CAPN1: variants seen among roughly 807,000 people sequenced by gnomAD.
The protein encoded by CAPN1 is calpain 1, also known as calpain-1 catalytic subunit.
CAPN1 carries 77 observed loss-of-function variants against 105.2 expected under a neutral mutation model. That is an observed-to-expected ratio of 0.73 (90% CI 0.61 to 0.88). CAPN1 has a LOEUF of 0.88. Ranked by LOEUF, CAPN1 falls within the 40% of genes least tolerant of loss-of-function variation. The probability of loss-of-function intolerance (pLI) is 0.00; values close to 1 mark genes in which losing one functional copy is unlikely to be tolerated. For missense variants in CAPN1, 833 were observed against 976.6 expected, an observed-to-expected ratio of 0.85 and a Z score of 1.96; for synonymous variants, 355 against 388.8, an observed-to-expected ratio of 0.91 and a Z score of 1.02.
Position 65,209,211 on chromosome 11 carries a change from A to G in CAPN1, c.1730-112A>G. ...GCCCACTTCCTCTGCCAGATATTGC[A>G]CCCACTCGTCAGGATTTGTGCGTCC... On this transcript the variant is annotated intron_variant, in intron 16 of 21. Transcript: ENST00000279247. The surrounding 1 kb of genome is among the most constrained non-coding windows in gnomAD (Gnocchi z 4.1). 1.3e-6 allele frequency: 1 copy of G among 754,546 alleles called. No individual in the cohort carries two copies. The highest frequency in any genetic ancestry group is 1.7e-5 in the African/African-American group (1 of 58,126). The allele number at this position is 754,546 out of a possible 1,614,324, so 46.7% of individuals were successfully genotyped here.
intron 10 of CAPN1, among the ~76,000 whole-genome samples, chr11:65,195,496 T>C (rs890895005): frequency 1.3e-5 from 2 of 152,176 alleles, no homozygotes; most frequent in African/African-American, 4.8e-5. Flanking sequence ...CATTTTGAGG[T>C]TTTTTTCCCC....
In CAPN1 at chr11:65,210,534, GA is replaced by G; in HGVS notation, c.2059+84del. 1.2e-6 allele frequency: 1 copy of G among 867,636 alleles called. No homozygotes were observed. The highest frequency in any genetic ancestry group is 1.4e-5 in the South Asian group (1 of 70,586). The allele number at this position is 867,636 out of a possible 1,614,324, so 53.7% of individuals were successfully genotyped here. Reference sequence around the variant, plus strand: ...GAGCTGGGGGGAATGACAGATGGGTGAATTAGCAGATACAGGCCAGTGCTGT... The same window carrying G: ...GAGCTGGGGGGAATGACAGATGGGTGATTAGCAGATACAGGCCAGTGCTGT... On this transcript the variant is annotated intron_variant, in intron 20 of 21. Coordinates refer to ENST00000279247, the MANE Select transcript of CAPN1 (RefSeq NM_005186.4). The surrounding 1 kb of genome is among the most constrained non-coding windows in gnomAD (Gnocchi z 4.3).
intron 10 of CAPN1, among the ~76,000 whole-genome samples, chr11:65,202,974 G>A (rs1433776998): frequency 6.6e-6 from 1 of 152,074 alleles, no homozygotes. Flanking sequence ...ATGTGAACAG[G>A]ATCATATAAT....
Position 65,208,381 on chromosome 11 carries a change from C to T in CAPN1, c.1729+119C>T. On this transcript the variant is annotated intron_variant, in intron 16 of 21. Coordinates refer to ENST00000279247, the MANE Select transcript of CAPN1 (RefSeq NM_005186.4). The surrounding 1 kb of genome is among the most constrained non-coding windows in gnomAD (Gnocchi z 4.1). ...GGTCTGCATGAGTCGGGGAATCCTC[C>T]AGTTTTTCTGAGCCCAGTTCCCTGC... The T allele has an allele frequency of 1.0e-6, 1 of 996,222 alleles. No individual in the cohort carries two copies. The allele number at this position is 996,222 out of a possible 1,614,324, so 61.7% of individuals were successfully genotyped here. A position where few individuals can be genotyped will look rare whatever the true frequency, so the allele number is the denominator to read the frequency against.
upstream of CAPN1, chr11:65,181,800 A>G (rs1160691521): frequency 9.1e-6 from 2 of 219,536 alleles, no homozygotes; most frequent in Non-Finnish European, 1.9e-5. This position sits in a 1 kb window ranked among gnomAD's most constrained non-coding sequence, Gnocchi z 4.6. Flanking sequence ...AGAGATAGTC[A>G]GAGACCGTGC....
Position 65,208,040 on chromosome 11 carries a change from C to A in CAPN1, c.1606-15C>A. 2.5e-6 allele frequency: 4 copies of A among 1,576,900 alleles called. No individual in the cohort carries two copies. Among genetic ancestry groups the A allele is most frequent in the Admixed American group, 1.8e-5 (1 of 54,574 alleles). On this transcript the variant is annotated splice_polypyrimidine_tract_variant and intron_variant, in intron 14 of 21. Coordinates refer to ENST00000279247, the MANE Select transcript of CAPN1 (RefSeq NM_005186.4). The surrounding 1 kb of genome is among the most constrained non-coding windows in gnomAD (Gnocchi z 4.1). Reference sequence around the variant, plus strand: ...CGGGGCCTCTCTTACCTGCTTTCTCCCCTTCTCGGTCCAGCAAGTGCTCTC... The same window carrying A: ...CGGGGCCTCTCTTACCTGCTTTCTCACCTTCTCGGTCCAGCAAGTGCTCTC...
At position 65,209,183 on chromosome 11, in the gene CAPN1, C is replaced by A; in HGVS notation, c.1730-140C>A. The A allele has an allele frequency of 1.5e-6, 1 of 673,290 alleles. No individual in the cohort carries two copies. Among genetic ancestry groups the A allele is most frequent in the Non-Finnish European group, 2.7e-6 (1 of 366,580 alleles). 41.7% of individuals were successfully genotyped at this position (673,290 alleles called of 1,614,324 possible). Reference sequence around the variant, plus strand: ...TGTACTTCCTGATGATACAAACAATCCTGCCCACTTCCTCTGCCAGATATT... The same window carrying A: ...TGTACTTCCTGATGATACAAACAATACTGCCCACTTCCTCTGCCAGATATT... On this transcript the variant is annotated intron_variant, in intron 16 of 21. Coordinates refer to ENST00000279247, the MANE Select transcript of CAPN1 (RefSeq NM_005186.4). This position sits in a 1 kb window ranked among gnomAD's most constrained non-coding sequence, Gnocchi z 4.1.
At position 65,209,751 on chromosome 11, in the gene CAPN1, C is replaced by T. The variant is rs1482928543; in HGVS notation, c.1795-98C>T. The T allele has an allele frequency of 1.2e-5, 14 of 1,214,064 alleles. No individual in the cohort carries two copies. Among genetic ancestry groups the T allele is most frequent in the African/African-American group, 3.0e-5 (2 of 66,660 alleles). 75.2% of individuals were successfully genotyped at this position (1,214,064 alleles called of 1,614,324 possible). ...TGCTTCTCCTCACCCAGCCCCAAGT[C>T]GACTTGCCGGCTCGGCGGCCATCTC... On this transcript the variant is annotated intron_variant, in intron 17 of 21. Coordinates refer to ENST00000279247, the MANE Select transcript of CAPN1 (RefSeq NM_005186.4). The surrounding 1 kb of genome is among the most constrained non-coding windows in gnomAD (Gnocchi z 4.1).
intron 10 of CAPN1, among the ~76,000 whole-genome samples, chr11:65,194,322 G>A (rs1024638691): frequency 3.9e-5 from 6 of 152,044 alleles, no homozygotes; most frequent in African/African-American, 1.2e-4. Context: ...TGCTTATTTC[G>A]TTAATTTAGA....
Position 65,210,485 on chromosome 11 carries a change from C to A in CAPN1, c.2059+33C>A. The A allele has an allele frequency of 1.5e-6, 2 of 1,335,390 alleles. No individual in the cohort carries two copies. The highest frequency in any genetic ancestry group is 2.1e-6 in the Non-Finnish European group (2 of 934,032). The allele number at this position is 1,335,390 out of a possible 1,614,324, so 82.7% of individuals were successfully genotyped here. A position where few individuals can be genotyped will look rare whatever the true frequency, so the allele number is the denominator to read the frequency against. On this transcript the variant is annotated intron_variant, in intron 20 of 21. Coordinates refer to ENST00000279247, the MANE Select transcript of CAPN1 (RefSeq NM_005186.4). The surrounding 1 kb of genome is among the most constrained non-coding windows in gnomAD (Gnocchi z 4.3). ...TCCCCAACTGCCTCCCACCCTCCAG[C>A]TCCGTCCCAAACGCGTCCCCCAGGA...
intron 10 of CAPN1, among the ~76,000 whole-genome samples, chr11:65,195,100 G>GGTTTTTTTTTTTTTTTTTTTTTTTTTT (rs1565403828): frequency 1.1e-5 from 1 of 90,906 alleles, no homozygotes; most frequent in Non-Finnish European, 2.5e-5. Flanking sequence ...GTTTTTTGGG[G>GGTTTTTTTTTTTTTTTTTTTTTTTTTT]TTTTTTTTTT....
chr11:65,182,277 C>G (rs1260095176), intron 1 of CAPN1: 2 of 87,730 alleles, frequency 2.3e-5, no homozygotes, highest in South Asian at 3.2e-4. Context: ...GGTTTTCAGC[C>G]CACGGCAAGG....
chr11:65,187,855 G>A, intron 7 of CAPN1, 100 bp from the exon 8 acceptor site: 2 of 790,470 alleles, frequency 2.5e-6, no homozygotes, highest in Non-Finnish European at 4.3e-6. Flanking sequence ...TCGCACCACT[G>A]CACTCCAGCC....
In CAPN1 at chr11:65,210,857, C is replaced by T; in HGVS notation, c.2103C>T (p.Thr701=). The part of the protein sequence containing the change: ...TLDTDLDGVV[T]FDLFKWLQLT... ...ACACAGATCTGGATGGAGTTGTGAC[C>T]TTTGACTTGTTTAAGGTGGGAACCT... Residue 701 remains threonine (T), a synonymous_variant, in exon 21 of 22, where the codon ACC becomes ACT. Coordinates refer to ENST00000279247, the MANE Select transcript of CAPN1 (RefSeq NM_005186.4). This position sits in a 1 kb window ranked among gnomAD's most constrained non-coding sequence, Gnocchi z 4.3. 1 of 1,613,570 alleles carries T rather than the reference C, an allele frequency of 6.2e-7. No homozygotes were observed. Among genetic ancestry groups the T allele is most frequent in the South Asian group, 1.1e-5 (1 of 91,080 alleles).
At position 65,210,279 on chromosome 11, in the gene CAPN1, C is replaced by T. The variant is rs1949025889; in HGVS notation, c.1943-57C>T. The T allele has an allele frequency of 1.5e-6, 2 of 1,341,184 alleles. No homozygotes were observed. The highest frequency in any genetic ancestry group is 2.1e-6 in the Non-Finnish European group (2 of 944,388). The allele number at this position is 1,341,184 out of a possible 1,614,324, so 83.1% of individuals were successfully genotyped here. On this transcript the variant is annotated intron_variant, in intron 19 of 21. Transcript: ENST00000279247. This position sits in a 1 kb window ranked among gnomAD's most constrained non-coding sequence, Gnocchi z 4.3. The stretch of plus-strand genomic sequence containing the variant: ...CCCTCCTGGGGACCCAACCCCTCCC[C>T]CATCCTGTTGGGCAGGGGCTGCGCC...
In CAPN1 at chr11:65,209,491, C is replaced by T. The variant is rs1007260882; in HGVS notation, c.1794+104C>T. On this transcript the variant is annotated intron_variant, in intron 17 of 21. Coordinates refer to ENST00000279247, the MANE Select transcript of CAPN1 (RefSeq NM_005186.4). The surrounding 1 kb of genome is among the most constrained non-coding windows in gnomAD (Gnocchi z 4.1). ...GCACAGAGAACAGGACAGAGCCATG[C>T]GGAGTGTGGACACACAGTGCCCCAT... is the stretch of plus-strand genomic sequence containing the variant. 54 of 989,806 alleles carry T rather than the reference C, an allele frequency of 5.5e-5. No individual in the cohort carries two copies. Among genetic ancestry groups the T allele is most frequent in the Non-Finnish European group, 7.1e-5 (45 of 634,840 alleles). The allele number at this position is 989,806 out of a possible 1,614,324, so 61.3% of individuals were successfully genotyped here.
Position 65,211,620 on chromosome 11 carries a change from G to C in CAPN1, c.*334G>C. 1 of 461,544 alleles carries C rather than the reference G, an allele frequency of 2.2e-6. No individual in the cohort carries two copies. Among genetic ancestry groups the C allele is most frequent in the Non-Finnish European group, 4.0e-6 (1 of 250,620 alleles). 28.6% of individuals were successfully genotyped at this position (461,544 alleles called of 1,614,324 possible). A position where few individuals can be genotyped will look rare whatever the true frequency, so the allele number is the denominator to read the frequency against. ...ATGTGTCCCCTCTCCCCACTTCAGAGGCCACCCACTCAGCACCACCGGCCT... is the reference window on the plus strand; with the variant it reads ...ATGTGTCCCCTCTCCCCACTTCAGACGCCACCCACTCAGCACCACCGGCCT... On this transcript the variant is annotated 3_prime_UTR_variant, in exon 22 of 22. Transcript: ENST00000279247.
chr11:65,182,725 G>C lies in CAPN1; in HGVS notation c.24G>C (p.Pro8=), dbSNP rs763840544. ...GGATGTCGGAGGAGATCATCACGCCGGTGTACTGCACTGGGGTGTCAGCCC... is the reference window on the plus strand; with the variant it reads ...GGATGTCGGAGGAGATCATCACGCCCGTGTACTGCACTGGGGTGTCAGCCC... MSEEIIT[P]VYCTGVSAQV... is the part of the protein sequence containing the mutation. The change falls in exon 2 of 22, where the codon CCG becomes CCC. Residue 8 remains proline, a synonymous_variant. Transcript: ENST00000279247. 3 of 1,579,000 alleles carry C rather than the reference G, an allele frequency of 1.9e-6. No individual in the cohort carries two copies. The highest frequency in any genetic ancestry group is 3.7e-5 in the Admixed American group (2 of 54,750).
At chr11:65,186,582 C>T (rs3825072) in intron 6 of CAPN1, among the ~76,000 whole-genome samples, 36,907 of 151,802 alleles carry the variant, frequency 0.24, 5,263 homozygotes, top group Admixed American at 0.34. Context: ...CTTGTTTTCC[C>T]GTCTACCATG....
Sources: gnomAD v4.1 joint callset for allele counts (sites outside exome capture counted in the v4.1 genomes callset) on GRCh38, gnomAD v4.1.1 for gene constraint, Gnocchi (gnomAD v3.1) non-coding constraint, MANE v1.5 for transcripts, NCBI Gene and HGNC (gene_info 2026-07-23, HGNC 2026-07-21) for gene names.